WWOX: variants seen among roughly 807,000 people sequenced by gnomAD.
The protein encoded by WWOX is WW domain containing oxidoreductase.
In WWOX, 69 loss-of-function variants were observed where a neutral mutation model predicts 46.2. The observed-to-expected ratio is 1.49, with a 90% CI of 1.23 to 1.82. The LOEUF (loss-of-function observed/expected upper bound fraction) is 1.82. Ranked by LOEUF, WWOX falls within the 40% of genes most tolerant of loss-of-function variation. The pLI, the probability that WWOX is intolerant of heterozygous loss-of-function variation, is 0.00. For synonymous variants in WWOX, 359 were observed against 202.6 expected (o/e 1.77, Z -6.56); for missense variants, 919 against 542.6 (o/e 1.69, Z -6.89).
At position 78,445,094 on chromosome 16, in the gene WWOX, C is replaced by G. The variant is rs140702475; in HGVS notation, c.1056+12342C>G. ...GTGAGCTCATCTGTGAAATGCAGAC[C>G]TTTCTGGACGTACCACCTCGTGGGG... On this transcript the variant is annotated intron_variant, in intron 8 of 8. Transcript: ENST00000566780. 4.5e-4 allele frequency among the ~76,000 whole-genome samples: 68 copies of G among 152,228 alleles called. 3 individuals are homozygous for G. In the East Asian group the frequency reaches 0.013, roughly 29 times the overall value.
intron 8 of WWOX, among the ~76,000 whole-genome samples, chr16:78,850,153 A>AGT (rs2052406320): frequency 6.6e-6 from 1 of 151,560 alleles, no homozygotes. Flanking sequence ...TGTGTGTGTG[A>AGT]GTGTGTGTGA....
intron 5 of WWOX, among the ~76,000 whole-genome samples, chr16:78,221,422 G>A (rs184946836): frequency 9.1e-4 from 139 of 152,240 alleles, no homozygotes; most frequent in African/African-American, 3.2e-3. Flanking sequence ...GAGTTAGTAC[G>A]TTACTTTAAT....
At chr16:78,169,770 G>A (rs2035093243) in intron 5 of WWOX, among the ~76,000 whole-genome samples, 1 of 152,130 alleles carries the variant, frequency 6.6e-6, no homozygotes, top group African/African-American at 2.4e-5. Flanking sequence ...AGGAGGAAAA[G>A]GGATGAGGCT....
chr16:78,625,403 C>G (rs1262104406), intron 8 of WWOX, among the ~76,000 whole-genome samples: 2 of 152,294 alleles, frequency 1.3e-5, no homozygotes, highest in African/African-American at 4.8e-5. Flanking sequence ...CAACCTACTA[C>G]TAGAATGCCA....
At chr16:79,124,187 G>A (rs1239596085) in intron 8 of WWOX, among the ~76,000 whole-genome samples, 1 of 152,116 alleles carries the variant, frequency 6.6e-6, no homozygotes, top group Non-Finnish European at 1.5e-5. Context: ...TCTGCCCGTT[G>A]CTATAGATAC....
chr16:79,037,348 G>C (rs964586238), intron 8 of WWOX, among the ~76,000 whole-genome samples: 1 of 152,208 alleles, frequency 6.6e-6, no homozygotes, highest in Non-Finnish European at 1.5e-5. Flanking sequence ...TCTTTTTGTA[G>C]AGAGGAAGAA....
chr16:79,079,110 C>G (rs1289585123), intron 8 of WWOX, among the ~76,000 whole-genome samples: 2 of 152,180 alleles, frequency 1.3e-5, no homozygotes, highest in African/African-American at 4.8e-5. Flanking sequence ...CATGTAACAT[C>G]CAAGGTAGCT....
intron 8 of WWOX, among the ~76,000 whole-genome samples, chr16:78,705,824 C>T (rs1255125718): frequency 1.3e-5 from 2 of 151,986 alleles, no homozygotes; most frequent in African/African-American, 4.8e-5. Flanking sequence ...AAACAAAAAC[C>T]CTATTCCTAT....
intron 8 of WWOX, among the ~76,000 whole-genome samples, chr16:78,850,416 C>T (rs1213870429): frequency 6.6e-6 from 1 of 152,110 alleles, no homozygotes; most frequent in East Asian, 1.9e-4. Context: ...TTATTAATGT[C>T]AAATATCAGC....
chr16:78,376,909 A>G (rs1893971034), intron 5 of WWOX, among the ~76,000 whole-genome samples: 1 of 152,224 alleles, frequency 6.6e-6, no homozygotes, highest in Non-Finnish European at 1.5e-5. Context: ...TGTGGAATGT[A>G]AAATCCTTTG....
intron 5 of WWOX, among the ~76,000 whole-genome samples, chr16:78,300,435 T>G (rs1245781080): frequency 2.0e-5 from 3 of 152,070 alleles, no homozygotes; most frequent in African/African-American, 7.2e-5. Context: ...ACCTGCCACC[T>G]TTTTATTCTC....
chr16:78,175,657 C>A (rs1348179573), intron 5 of WWOX, among the ~76,000 whole-genome samples: 9 of 152,202 alleles, frequency 5.9e-5, no homozygotes, highest in Non-Finnish European at 8.8e-5. Context: ...CTTCAGATGA[C>A]TGAGGCCCTG....
chr16:78,509,265 C>T (rs932958114), intron 8 of WWOX, among the ~76,000 whole-genome samples: 11 of 152,208 alleles, frequency 7.2e-5, no homozygotes, highest in Admixed American at 3.9e-4. Flanking sequence ...ATGGCAAAAC[C>T]CTGTCTCTAC....
chr16:79,145,274 G>T (rs923110547), intron 8 of WWOX, among the ~76,000 whole-genome samples: 8 of 152,152 alleles, frequency 5.3e-5, no homozygotes, highest in African/African-American at 1.9e-4. Flanking sequence ...AAATTCAGAA[G>T]TCGTGATAAA....
intron 8 of WWOX, among the ~76,000 whole-genome samples, chr16:78,734,927 G>T (rs571066730): frequency 8.2e-6 from 1 of 122,224 alleles, no homozygotes; most frequent in African/African-American, 3.2e-5. Flanking sequence ...GTGCAGTGAC[G>T]CAATCTCAGC....
At chr16:79,165,054 T>A (rs555661456) in intron 8 of WWOX, among the ~76,000 whole-genome samples, 1 of 152,058 alleles carries the variant, frequency 6.6e-6, no homozygotes, top group South Asian at 2.1e-4. Context: ...GGGAGGACCA[T>A]AGTTGTTTCT....
chr16:79,119,316 C>G (rs1416262751), intron 8 of WWOX, among the ~76,000 whole-genome samples: 1 of 152,042 alleles, frequency 6.6e-6, no homozygotes, highest in African/African-American at 2.4e-5. Flanking sequence ...CTACATTAAC[C>G]CAGCATTTTG....
intron 8 of WWOX, among the ~76,000 whole-genome samples, chr16:78,692,581 A>T (rs2048014219): frequency 6.6e-6 from 1 of 152,184 alleles, no homozygotes; most frequent in Non-Finnish European, 1.5e-5. Context: ...TTCCTCTCTG[A>T]CTGTAAGGGC....
At chr16:79,127,620 T>C (rs1461679965) in intron 8 of WWOX, among the ~76,000 whole-genome samples, 3 of 152,196 alleles carry the variant, frequency 2.0e-5, no homozygotes, top group Non-Finnish European at 2.9e-5. Context: ...ATTTGCAGGA[T>C]TGAGTCTTAG....
Sources: gnomAD v4.1 joint callset for allele counts (sites outside exome capture counted in the v4.1 genomes callset) on GRCh38, gnomAD v4.1.1 for gene constraint, MANE v1.5 for transcripts, NCBI Gene and HGNC (gene_info 2026-07-23, HGNC 2026-07-21) for gene names.